Variants in PRRC2C observed in about 807,000 individuals in gnomAD.
PRRC2C encodes protein PRRC2C.
In PRRC2C, 72 loss-of-function variants were observed where a neutral mutation model predicts 317.2. The observed-to-expected ratio is 0.23, with a 90% CI of 0.19 to 0.28. PRRC2C has a LOEUF of 0.28. Ranked by LOEUF, PRRC2C falls within the 10% of genes least tolerant of loss-of-function variation. The pLI is 1.00. For synonymous variants in PRRC2C, 1,296 were observed against 1,205.9 expected, an observed-to-expected ratio of 1.07 and a Z score of -1.55; for missense variants, 3,074 against 3,459.7, an observed-to-expected ratio of 0.89 and a Z score of 2.80.
At chr1:171,510,276 T>C (rs1020655544) in intron 1 of PRRC2C, 2 of 152,230 alleles carry the variant, frequency 1.3e-5, no homozygotes, top group South Asian at 4.1e-4. Flanking sequence ...TGATGTTGCT[T>C]TCTCTCTAAT....
At chr1:171,518,238 GATTT>G (rs1052096705) in intron 6 of PRRC2C, among the ~76,000 whole-genome samples, 1 of 152,172 alleles carries the variant, frequency 6.6e-6, no homozygotes, top group African/African-American at 2.4e-5. Context: ...CCATACCACA[GATTT>G]ATTTTGTAAA....
chr1:171,517,248 G>GGAAA (rs1672556130), intron 5 of PRRC2C, among the ~76,000 whole-genome samples: 1 of 152,118 alleles, frequency 6.6e-6, no homozygotes, highest in African/African-American at 2.4e-5. Context: ...CCTTCCCTCA[G>GGAAA]GAAACCTCAG....
chr1:171,524,605 T>C (rs1290965702), intron 9 of PRRC2C, among the ~76,000 whole-genome samples: 2 of 152,210 alleles, frequency 1.3e-5, no homozygotes, highest in Non-Finnish European at 2.9e-5. Flanking sequence ...ATGCCTGACA[T>C]GTGTGTTTAG....
chr1:171,560,812 G>A (rs1319577477), intron 19 of PRRC2C, among the ~76,000 whole-genome samples: 1 of 152,176 alleles, frequency 6.6e-6, no homozygotes, highest in African/African-American at 2.4e-5. Flanking sequence ...CTTTATTGCA[G>A]TGGTCTGGAA....
chr1:171,591,766 T>C lies in PRRC2C; in HGVS notation c.8616T>C (p.Pro2872=), dbSNP rs375412988. The change falls in exon 35 of 35, where the codon CCT becomes CCC. Residue 2872 remains proline, a synonymous_variant. Transcript: ENST00000647382. ...CQEKVEEKPP[P]APSIATKPVR... is the part of the protein sequence containing the mutation. ...AAAAAGTAGAAGAAAAGCCACCCCC[T>C]GCACCCTCCATAGCCACCAAACCTG... is the stretch of plus-strand genomic sequence containing the variant. The C allele has an allele frequency of 2.2e-5, 35 of 1,612,888 alleles. No individual in the cohort carries two copies. In the African/African-American group the frequency reaches 4.4e-4, roughly 20 times the overall value.
chr1:171,508,048 A>G, intron 1 of PRRC2C, among the ~76,000 whole-genome samples: 1 of 152,160 alleles, frequency 6.6e-6, no homozygotes, highest in Non-Finnish European at 1.5e-5. Flanking sequence ...AGTTTTTGTG[A>G]AATTTTAGAG....
intron 18 of PRRC2C, among the ~76,000 whole-genome samples, chr1:171,552,967 T>G (rs2102601479): frequency 6.6e-6 from 1 of 152,350 alleles, no homozygotes; most frequent in Non-Finnish European, 1.5e-5. Context: ...AGGATGATGC[T>G]GGCCTCATAA....
chr1:171,542,835 A>C (rs1240540136), intron 16 of PRRC2C, among the ~76,000 whole-genome samples: 2 of 151,876 alleles, frequency 1.3e-5, no homozygotes, highest in African/African-American at 4.8e-5. Flanking sequence ...ATCTCGGCTC[A>C]CTGCAAGCTC....
chr1:171,537,103 C>G (rs945999472), intron 14 of PRRC2C, among the ~76,000 whole-genome samples, 160 bp from the exon 15 acceptor site: 4 of 152,124 alleles, frequency 2.6e-5, no homozygotes, highest in Non-Finnish European at 4.4e-5. Flanking sequence ...ACAGAACAAC[C>G]CTTACATAAT....
At position 171,527,754 on chromosome 1, in the gene PRRC2C, C is replaced by T. The variant is rs553806715; in HGVS notation, c.1201-37C>T. The T allele has an allele frequency of 1.1e-5, 17 of 1,521,104 alleles. No homozygotes were observed. The African/African-American group carries it at 1.9e-4, about 17-fold the overall frequency. 94.2% of individuals were successfully genotyped at this position (1,521,104 alleles called of 1,614,324 possible). A position where few individuals can be genotyped will look rare whatever the true frequency, so the allele number is the denominator to read the frequency against. On this transcript the variant is annotated intron_variant, in intron 10 of 34. Coordinates refer to ENST00000647382, the MANE Select transcript of PRRC2C (RefSeq NM_001387844.1). ...ATGGGCAACAGAGCAAGACTGTCTC[C>T]AAAATAATAAGAATAATTCTTTCTT...
chr1:171,528,756 C>T (rs1675208151), intron 11 of PRRC2C, among the ~76,000 whole-genome samples: 1 of 152,052 alleles, frequency 6.6e-6, no homozygotes, highest in Non-Finnish European at 1.5e-5. Flanking sequence ...TTGTCTTCAT[C>T]TCATTTAAAT....
chr1:171,497,304 C>T (rs2102091702), intron 1 of PRRC2C, among the ~76,000 whole-genome samples: 1 of 152,200 alleles, frequency 6.6e-6, no homozygotes, highest in Non-Finnish European at 1.5e-5. Flanking sequence ...TTATGTTGGG[C>T]ACTGGCTTTG....
At chr1:171,567,563 A>G (rs1475692247) in intron 22 of PRRC2C, among the ~76,000 whole-genome samples, 1 of 152,194 alleles carries the variant, frequency 6.6e-6, no homozygotes, top group Non-Finnish European at 1.5e-5. Context: ...TCAAAATGAG[A>G]TTTGTGACAG....
chr1:171,557,225 C>G lies in PRRC2C; in HGVS notation c.5128-15C>G. The G allele has an allele frequency of 2.0e-6, 3 of 1,526,822 alleles. No individual in the cohort carries two copies. Among genetic ancestry groups the G allele is most frequent in the Non-Finnish European group, 1.8e-6 (2 of 1,136,188 alleles). 94.6% of individuals were successfully genotyped at this position (1,526,822 alleles called of 1,614,324 possible). A position where few individuals can be genotyped will look rare whatever the true frequency, so the allele number is the denominator to read the frequency against. ...CTGCATTATTGACAAAAATGGTCCC[C>G]GTTAATTTTTTAAGGTCTGGAACAA... On this transcript the variant is annotated splice_polypyrimidine_tract_variant and intron_variant, in intron 18 of 34. Coordinates refer to ENST00000647382, the MANE Select transcript of PRRC2C (RefSeq NM_001387844.1).
At chr1:171,514,098 G>A (rs991712779) in intron 3 of PRRC2C, among the ~76,000 whole-genome samples, 3 of 152,184 alleles carry the variant, frequency 2.0e-5, no homozygotes, top group African/African-American at 7.2e-5. Flanking sequence ...TAAGTACAGT[G>A]GTGATCCTGT....
chr1:171,559,505 G>GTTTTTTTTTTTTT lies in PRRC2C; in HGVS notation c.6031+1365_6031+1366insTTTTTTTTTTTTT, dbSNP rs1236663155. Among the ~76,000 whole-genome samples, 31 of 95,134 alleles carry GTTTTTTTTTTTTT rather than the reference G, an allele frequency of 3.3e-4. 15 individuals carry two copies. Among genetic ancestry groups the GTTTTTTTTTTTTT allele is most frequent in the African/African-American group, 1.6e-4 (4 of 24,886 alleles). 62.4% of individuals were successfully genotyped at this position (95,134 alleles called of 152,430 possible). A position where few individuals can be genotyped will look rare whatever the true frequency, so the allele number is the denominator to read the frequency against. On this transcript the variant is annotated intron_variant, in intron 19 of 34. Coordinates refer to ENST00000647382, the MANE Select transcript of PRRC2C (RefSeq NM_001387844.1). ...ATCTGTTTACAAAATGGCATACCAA[G>GTTTTTTTTTTTTT]TTTGTTTTTTTTTTTTTTTTTTTTT...
chr1:171,516,742 ATGAAGCTGTC>A (rs1672448584), intron 5 of PRRC2C, among the ~76,000 whole-genome samples: 1 of 152,172 alleles, frequency 6.6e-6, no homozygotes, highest in South Asian at 2.1e-4. Flanking sequence ...CAAAGCCGCG[ATGAAGCTGTC>A]TGAAGCTGAC....
intron 19 of PRRC2C, among the ~76,000 whole-genome samples, chr1:171,558,567 C>G (rs960259728): frequency 6.6e-6 from 1 of 152,114 alleles, no homozygotes; most frequent in African/African-American, 2.4e-5. Context: ...CATCATTTAT[C>G]TGTTATGGTG....
At chr1:171,542,507 A>C (rs1678130997) in intron 16 of PRRC2C, among the ~76,000 whole-genome samples, 1 of 152,176 alleles carries the variant, frequency 6.6e-6, no homozygotes, top group South Asian at 2.1e-4. Context: ...AGGGACATGT[A>C]CTGTGTCCTT....
Sources: gnomAD v4.1 joint callset for allele counts (sites outside exome capture counted in the v4.1 genomes callset) on GRCh38, gnomAD v4.1.1 for gene constraint, MANE v1.5 for transcripts, NCBI Gene and HGNC (gene_info 2026-07-23, HGNC 2026-07-21) for gene names.